Variants in C14orf180 observed in about 807,000 individuals in gnomAD.
The protein encoded by C14orf180 is nutritionally-regulated adipose and cardiac enriched protein homolog.
In C14orf180, 13 loss-of-function variants were observed where a neutral mutation model predicts 13.9. The ratio of observed to expected loss-of-function variants is 0.94; its 90% confidence interval spans 0.61 to 1.49. The LOEUF is 1.49. Among genes scored for constraint, C14orf180 ranks in the 40% most tolerant of loss-of-function variants. C14orf180 has a pLI of 0.00. For synonymous variants in C14orf180, 113 were observed against 106.3 expected (o/e 1.06, Z -0.39); for missense variants, 238 against 232.0 (o/e 1.03, Z -0.17).
At chr14:104,582,155 G>A (rs1003034259) in intron 1 of C14orf180, among the ~76,000 whole-genome samples, 4 of 152,196 alleles carry the variant, frequency 2.6e-5, no homozygotes, top group Non-Finnish European at 5.9e-5. Flanking sequence ...AAAAGGGCGG[G>A]CGGCACGGGC....
intron 1 of C14orf180, among the ~76,000 whole-genome samples, chr14:104,584,240 G>T (rs973945262): frequency 4.6e-5 from 7 of 152,180 alleles, no homozygotes; most frequent in African/African-American, 1.7e-4. Context: ...GCTGCTGCAG[G>T]GTCGCCTGGC....
intron 1 of C14orf180, among the ~76,000 whole-genome samples, chr14:104,584,354 G>A (rs543717405): frequency 1.3e-5 from 2 of 152,264 alleles, no homozygotes; most frequent in Non-Finnish European, 2.9e-5. Context: ...GGGAGAGCCC[G>A]GGCTCTGGGT....
Position 104,590,244 on chromosome 14 carries a change from A to ACCCCCCCCC in C14orf180, c.*1461_*1462insCCCCCCCCC, listed in dbSNP as rs1886799704. On this transcript the variant is annotated 3_prime_UTR_variant, in exon 5 of 5. Coordinates refer to ENST00000557649, the MANE Select transcript of C14orf180 (RefSeq NM_001008404.3). ...CAGCATCTCTCCCCAGGCCCAGCCC[A>ACCCCCCCCC]TCCCACCCCACCCCAGGAAGGAGGA... 1.3e-5 allele frequency: 1 copy of ACCCCCCCCC among 75,166 alleles called. No homozygotes were observed. Among genetic ancestry groups the ACCCCCCCCC allele is most frequent in the Non-Finnish European group, 2.7e-5 (1 of 36,878 alleles). The allele number at this position is 75,166 out of a possible 1,614,324, so 4.7% of individuals were successfully genotyped here.
intron 2 of C14orf180, among the ~76,000 whole-genome samples, chr14:104,587,310 C>A (rs376070769): frequency 6.6e-6 from 1 of 152,094 alleles, no homozygotes; most frequent in African/African-American, 2.4e-5. Flanking sequence ...AAAAGGAGGC[C>A]GAGGCCACCA....
At chr14:104,581,637 CAG>C (rs35642910) in intron 1 of C14orf180, 37,861 of 136,036 alleles carry the variant, frequency 0.28, 8,339 homozygotes, top group East Asian at 0.74. Flanking sequence ...TGGGCAGGGG[CAG>C]AGAGAGAGAG....
chr14:104,588,482 C>G (rs534932777), intron 4 of C14orf180, 96 bp from the exon 5 acceptor site: 1 of 1,439,064 alleles, frequency 6.9e-7, no homozygotes, highest in Non-Finnish European at 9.3e-7. Context: ...TGGGCATGGA[C>G]AGGGTGGAAT....
At chr14:104,587,711 C>G (rs1299102788) in intron 2 of C14orf180, 38 bp from the exon 3 acceptor site, 1 of 1,607,094 alleles carries the variant, frequency 6.2e-7, no homozygotes, top group African/African-American at 1.3e-5. Flanking sequence ...CGGCCTCCCG[C>G]CGGGGACTCA....
chr14:104,583,933 C>A (rs1331551200), intron 1 of C14orf180, among the ~76,000 whole-genome samples: 1 of 152,156 alleles, frequency 6.6e-6, no homozygotes, highest in Admixed American at 6.5e-5. Context: ...CACACATTCA[C>A]ACACACAGAC....
In C14orf180 at chr14:104,586,512, TG is replaced by T. The variant is rs1198852242; in HGVS notation, c.86del (p.Gly29AlafsTer20). ...RQTRKNEEAA[W>X]GPRVCRAERE... Reference sequence around the variant, plus strand: ...GACCAGAAAGAATGAGGAGGCCGCGTGGGGCCCGCGGGTGTGCAGGGCAGAG... The same window carrying T: ...GACCAGAAAGAATGAGGAGGCCGCGTGGGCCCGCGGGTGTGCAGGGCAGAG... On this transcript the variant is annotated frameshift_variant, in exon 2 of 5. Coordinates refer to ENST00000557649, the MANE Select transcript of C14orf180 (RefSeq NM_001008404.3). LOFTEE classifies it high-confidence loss of function. 2.6e-6 allele frequency: 4 copies of T among 1,546,566 alleles called. No homozygotes were observed. The highest frequency in any genetic ancestry group is 1.2e-5 in the South Asian group (1 of 83,164).
Position 104,588,934 on chromosome 14 carries a change from CCGTGG to C in C14orf180, c.*156_*160del. On this transcript the variant is annotated 3_prime_UTR_variant, in exon 5 of 5. Transcript: ENST00000557649. The stretch of plus-strand genomic sequence containing the variant: ...AGGGCTAACTAGGAAAAGGGGGACC[CCGTGG>C]CGTGAGATCGGACATGGGGGGCACA... 7.0e-7 allele frequency: 1 copy of C among 1,427,630 alleles called. No individual in the cohort carries two copies. Among genetic ancestry groups the C allele is most frequent in the Non-Finnish European group, 9.1e-7 (1 of 1,093,144 alleles). The allele number at this position is 1,427,630 out of a possible 1,614,324, so 88.4% of individuals were successfully genotyped here. A position where few individuals can be genotyped will look rare whatever the true frequency, so the allele number is the denominator to read the frequency against.
intron 1 of C14orf180, among the ~76,000 whole-genome samples, chr14:104,580,233 G>T (rs973253586): frequency 2.6e-5 from 4 of 152,168 alleles, no homozygotes; most frequent in Non-Finnish European, 4.4e-5. Context: ...ACACACTGAT[G>T]ATCCTGAGTG....
intron 1 of C14orf180, among the ~76,000 whole-genome samples, chr14:104,580,605 C>T (rs533907623): frequency 4.9e-4 from 75 of 152,330 alleles, no homozygotes; most frequent in Middle Eastern, 3.4e-3. Flanking sequence ...GGAATGGATT[C>T]GTTACTCCAG....
chr14:104,585,919 G>A (rs12884743), intron 1 of C14orf180, among the ~76,000 whole-genome samples: 20,365 of 152,148 alleles, frequency 0.13, 2,045 homozygotes, highest in East Asian at 0.56. Context: ...CAAAAAGGTG[G>A]GCATGACCCT....
intron 1 of C14orf180, 35 bp from the exon 2 acceptor site, chr14:104,586,380 C>A: frequency 7.9e-7 from 1 of 1,268,898 alleles, no homozygotes. Flanking sequence ...GCCACTTGTG[C>A]AGTAAATAAT....
In C14orf180 at chr14:104,590,396, AC is replaced by A. The variant is rs1298723950; in HGVS notation, c.*1614del. The A allele has an allele frequency of 6.6e-6, 1 of 152,348 alleles. No homozygotes were observed. The highest frequency in any genetic ancestry group is 2.4e-5 in the African/African-American group (1 of 41,564). 9.4% of individuals were successfully genotyped at this position (152,348 alleles called of 1,614,324 possible). A position where few individuals can be genotyped will look rare whatever the true frequency, so the allele number is the denominator to read the frequency against. On this transcript the variant is annotated 3_prime_UTR_variant, in exon 5 of 5. Coordinates refer to ENST00000557649, the MANE Select transcript of C14orf180 (RefSeq NM_001008404.3). The stretch of plus-strand genomic sequence containing the variant: ...GGACACCCCTCCAGCCCCGGTTCTG[AC>A]GGGGGACACCGCACAGGCCGATCTC...
In C14orf180 at chr14:104,589,327, C is replaced by T. The variant is rs1286801857; in HGVS notation, c.*544C>T. 2 of 153,540 alleles carry T rather than the reference C, an allele frequency of 1.3e-5. No homozygotes were observed. The highest frequency in any genetic ancestry group is 2.7e-5 in the Non-Finnish European group (2 of 73,408). The allele number at this position is 153,540 out of a possible 1,614,324, so 9.5% of individuals were successfully genotyped here. A position where few individuals can be genotyped will look rare whatever the true frequency, so the allele number is the denominator to read the frequency against. On this transcript the variant is annotated 3_prime_UTR_variant, in exon 5 of 5. Coordinates refer to ENST00000557649, the MANE Select transcript of C14orf180 (RefSeq NM_001008404.3). This position sits in a 1 kb window ranked among gnomAD's most constrained non-coding sequence, Gnocchi z 4.9. ...GATGTGAGGTGCCATCCTCTGAGCCCAGGTCTGACCCCCCTACCCAGCCCC... is the reference window on the plus strand; with the variant it reads ...GATGTGAGGTGCCATCCTCTGAGCCTAGGTCTGACCCCCCTACCCAGCCCC...
At chr14:104,586,599 G>A in intron 2 of C14orf180, 58 bp downstream of exon 2, 2 of 1,172,354 alleles carry the variant, frequency 1.7e-6, no homozygotes, top group South Asian at 1.6e-5. Context: ...GGGGGCTGGA[G>A]GGGGCAGGGA....
chr14:104,586,575 G>A, intron 2 of C14orf180, 34 bp downstream of exon 2: 2 of 1,404,568 alleles, frequency 1.4e-6, no homozygotes, highest in African/African-American at 1.5e-5. Flanking sequence ...GCTTCTGCAA[G>A]CTGGCCTTCC....
intron 3 of C14orf180, 117 bp downstream of exon 3, chr14:104,587,995 C>A (rs1886694209): frequency 7.6e-7 from 1 of 1,319,724 alleles, no homozygotes; most frequent in Admixed American, 2.6e-5. Context: ...GGGGCCGTGG[C>A]CACCTGCCTT....
Sources: gnomAD v4.1 joint callset for allele counts (sites outside exome capture counted in the v4.1 genomes callset) on GRCh38, gnomAD v4.1.1 for gene constraint, Gnocchi (gnomAD v3.1) non-coding constraint, MANE v1.5 for transcripts, NCBI Gene and HGNC (gene_info 2026-07-23, HGNC 2026-07-21) for gene names.